The following ZNF215 variants were observed in gnomAD, a reference collection of about 807,000 sequenced individuals.
The protein encoded by ZNF215 is BWSCR2-associated zinc finger protein 2.
In ZNF215, 24 loss-of-function variants were observed where a neutral mutation model predicts 27.2. The observed-to-expected ratio is 0.88, with a 90% CI of 0.64 to 1.24. ZNF215 has a LOEUF of 1.24. Ranked by LOEUF, ZNF215 falls within the 50% of genes most tolerant of loss-of-function variation. The pLI, the probability that ZNF215 is intolerant of heterozygous loss-of-function variation, is 0.00. For missense variants in ZNF215, 675 were observed against 605.7 expected (o/e 1.11, Z -1.20); for synonymous variants, 210 against 204.0 (o/e 1.03, Z -0.25).
downstream of ZNF215, among the ~76,000 whole-genome samples, chr11:6,989,258 T>TG: frequency 6.6e-6 from 1 of 151,838 alleles, no homozygotes; most frequent in Non-Finnish European, 1.5e-5. Flanking sequence ...ATAAAATTGC[T>TG]GGGAAAAAAC....
intron 3 of ZNF215, among the ~76,000 whole-genome samples, chr11:6,941,300 T>C (rs1444845308): frequency 6.6e-6 from 1 of 152,238 alleles, no homozygotes; most frequent in African/African-American, 2.4e-5. Flanking sequence ...GCTATAAACA[T>C]AGATGAGGTC....
At chr11:6,968,123 T>C (rs759928605) in intron 5 of ZNF215, among the ~76,000 whole-genome samples, 2 of 152,344 alleles carry the variant, frequency 1.3e-5, no homozygotes, top group African/African-American at 2.4e-5. Flanking sequence ...CTGAGGTCTC[T>C]GTTCTGTTCC....
intron 3 of ZNF215, among the ~76,000 whole-genome samples, chr11:6,939,392 C>T (rs1269946216): frequency 1.3e-5 from 2 of 151,970 alleles, no homozygotes; most frequent in Non-Finnish European, 2.9e-5. Context: ...TTGTGTATCT[C>T]GCACATAGGA....
chr11:6,951,884 T>G (rs1306456592), intron 6 of ZNF215, among the ~76,000 whole-genome samples: 1 of 152,172 alleles, frequency 6.6e-6, no homozygotes, highest in African/African-American at 2.4e-5. Flanking sequence ...GCTATAAATT[T>G]CCCTCTACAC....
chr11:6,941,500 A>T, intron 3 of ZNF215, 71 bp from the exon 4 acceptor site: 1 of 1,332,412 alleles, frequency 7.5e-7, no homozygotes, highest in Non-Finnish European at 1.0e-6. Context: ...TCATATTAAA[A>T]CAACTATAAT....
At chr11:6,962,903 T>C (rs1850544790), downstream of ZNF215, among the ~76,000 whole-genome samples, 2 of 152,104 alleles carry the variant, frequency 1.3e-5, no homozygotes, top group Admixed American at 6.6e-5. Flanking sequence ...TGGCCTTGCA[T>C]CAGCTATCAC....
intron 5 of ZNF215, among the ~76,000 whole-genome samples, chr11:6,977,928 G>A (rs1850864337): frequency 1.3e-5 from 2 of 151,954 alleles, no homozygotes; most frequent in Non-Finnish European, 2.9e-5. Context: ...CATGAACTTT[G>A]AGGGACACAT....
chr11:6,985,527 G>C (rs9988895), downstream of ZNF215, among the ~76,000 whole-genome samples: 39,208 of 151,914 alleles, frequency 0.26, 5,948 homozygotes, highest in East Asian at 0.62. Flanking sequence ...CACCTTAGTA[G>C]TGGAAGTCCT....
Position 6,943,209 on chromosome 11 carries a change from C to A in ZNF215, c.610C>A (p.Arg204Ser). Residue 204 changes from arginine (R) to serine (S), a missense_variant, in exon 5 of 7, where the codon CGT becomes AGT. Arg to Ser is a moderately radical substitution (Grantham distance 110, BLOSUM62 -1). Transcript: ENST00000278319. ...AAACTTTAGGAACCTGAATTCATTG[C>A]GTAAAGGTGGTTTCTATATGTTTAC... ...LENFRNLNSL[R>S]KAHLLSKPFE... is the part of the protein sequence containing the mutation. 1.2e-6 allele frequency: 2 copies of A among 1,611,168 alleles called. No individual in the cohort carries two copies. Among genetic ancestry groups the A allele is most frequent in the Non-Finnish European group, 1.7e-6 (2 of 1,178,964 alleles).
chr11:6,955,673 T>C lies in ZNF215; in HGVS notation c.713-17T>C. On this transcript the variant is annotated splice_polypyrimidine_tract_variant and intron_variant, in intron 6 of 6. Transcript: ENST00000278319. ...CAGTTTCCCTTCTAGTTCATGGCAT[T>C]TTTTATTTCTCTTTAGACATGAAGA... is the stretch of plus-strand genomic sequence containing the variant. 4 of 1,530,176 alleles carry C rather than the reference T, an allele frequency of 2.6e-6. No homozygotes were observed. The highest frequency in any genetic ancestry group is 2.3e-5 in the Admixed American group (1 of 43,960). 94.8% of individuals were successfully genotyped at this position (1,530,176 alleles called of 1,614,324 possible).
In ZNF215 at chr11:6,963,053, T is replaced by G. The variant is rs575727098; in HGVS notation, c.805+7271T>G. ...CAAATTAACAGCTCTACCCATTTTC[T>G]TAGTGCCCTTTATTTCTAGTCTACT... On this transcript the variant is annotated intron_variant, in intron 5 of 5. Transcript: ENST00000529903. Among the ~76,000 whole-genome samples, 255 of 152,210 alleles carry G rather than the reference T, an allele frequency of 1.7e-3. 2 individuals carry two copies. Among genetic ancestry groups the G allele is most frequent in the African/African-American group, 6.0e-3 (249 of 41,548 alleles).
chr11:6,964,691 T>A (rs1321357239), intron 5 of ZNF215, among the ~76,000 whole-genome samples: 4 of 151,734 alleles, frequency 2.6e-5, no homozygotes, highest in Admixed American at 1.3e-4. Flanking sequence ...GGTCTTTTTT[T>A]TTTTTTATTT....
At chr11:6,981,216 A>C (rs1315388001) in intron 5 of ZNF215, among the ~76,000 whole-genome samples, 10 of 149,784 alleles carry the variant, frequency 6.7e-5, no homozygotes, top group Admixed American at 1.3e-4. Context: ...ACTAGTTTAC[A>C]GTCCCACCAA....
intron 5 of ZNF215, among the ~76,000 whole-genome samples, chr11:6,970,555 T>C (rs1850700081): frequency 6.6e-6 from 1 of 152,216 alleles, no homozygotes; most frequent in Non-Finnish European, 1.5e-5. Context: ...ACGGGCGAAG[T>C]AATGCCTAGG....
chr11:6,971,548 T>C (rs1386913038), intron 5 of ZNF215, among the ~76,000 whole-genome samples: 1 of 152,184 alleles, frequency 6.6e-6, no homozygotes, highest in African/African-American at 2.4e-5. Context: ...AATAAATGCC[T>C]ATCATAGAGA....
In ZNF215 at chr11:6,956,976, T is replaced by C. The variant is rs938956276; in HGVS notation, c.*445T>C. On this transcript the variant is annotated 3_prime_UTR_variant, in exon 7 of 7. Coordinates refer to ENST00000278319, the MANE Select transcript of ZNF215 (RefSeq NM_013250.4). Reference sequence around the variant, plus strand: ...AAGAAATCATTAGCTCATGCGAATATAAGAGAATACTTCTAAGGACAGAAA... The same window carrying C: ...AAGAAATCATTAGCTCATGCGAATACAAGAGAATACTTCTAAGGACAGAAA... The C allele has an allele frequency of 3.0e-6, 3 of 989,046 alleles. No homozygotes were observed. Among genetic ancestry groups the C allele is most frequent in the Admixed American group, 5.8e-5 (1 of 17,104 alleles). The allele number at this position is 989,046 out of a possible 1,614,324, so 61.3% of individuals were successfully genotyped here. A position where few individuals can be genotyped will look rare whatever the true frequency, so the allele number is the denominator to read the frequency against.
At chr11:6,938,374 C>T (rs1849508194) in intron 3 of ZNF215, among the ~76,000 whole-genome samples, 3 of 151,952 alleles carry the variant, frequency 2.0e-5, no homozygotes, top group African/African-American at 7.2e-5. Context: ...AATTGTATAT[C>T]GTTGTTGGGA....
Position 6,943,738 on chromosome 11 carries a change from G to A in ZNF215, c.712+97G>A, listed in dbSNP as rs1430574670. On this transcript the variant is annotated intron_variant, in intron 6 of 6. Coordinates refer to ENST00000278319, the MANE Select transcript of ZNF215 (RefSeq NM_013250.4). ...CAATCTTTGAATTGTTAGTTGGGAA[G>A]GAGATAGCAAAACCTAAACTTTGAG... is the stretch of plus-strand genomic sequence containing the variant. The A allele has an allele frequency of 8.1e-6, 8 of 982,102 alleles. No homozygotes were observed. In the Admixed American group the frequency reaches 1.3e-4, roughly 16 times the overall value. 60.8% of individuals were successfully genotyped at this position (982,102 alleles called of 1,614,324 possible).
At chr11:6,939,550 CA>C (rs1849563403) in intron 3 of ZNF215, among the ~76,000 whole-genome samples, 3 of 152,050 alleles carry the variant, frequency 2.0e-5, no homozygotes, top group African/African-American at 7.2e-5. Context: ...ACAAGTAGAT[CA>C]GAACAATTTC....
Sources: gnomAD v4.1 joint callset for allele counts (sites outside exome capture counted in the v4.1 genomes callset) on GRCh38, gnomAD v4.1.1 for gene constraint, MANE v1.5 for transcripts, NCBI Gene and HGNC (gene_info 2026-07-23, HGNC 2026-07-21) for gene names.